SPAG16: variants seen among roughly 807,000 people sequenced by gnomAD.
The protein encoded by SPAG16 is sperm-associated antigen 16 protein.
In SPAG16, 86 loss-of-function variants were observed where a neutral mutation model predicts 80.4. The ratio of observed to expected loss-of-function variants is 1.07; its 90% CI spans 0.90 to 1.28. The LOEUF (loss-of-function observed/expected upper bound fraction) is 1.28, where lower values mean the gene tolerates loss of function less well. Among genes scored for constraint, SPAG16 ranks in the 50% most tolerant of loss-of-function variants. The pLI is 0.00. For missense variants in SPAG16, 870 were observed against 765.3 expected (o/e 1.14, Z -1.61); for synonymous variants, 294 against 265.9 (o/e 1.11, Z -1.03).
chr2:214,361,837 C>A (rs1327167374), intron 15 of SPAG16, among the ~76,000 whole-genome samples: 1 of 151,820 alleles, frequency 6.6e-6, no homozygotes, highest in Non-Finnish European at 1.5e-5. Flanking sequence ...GCACAGCATT[C>A]AAAAATTCAC....
At chr2:214,403,683 T>C (rs1701839834) in intron 15 of SPAG16, among the ~76,000 whole-genome samples, 1 of 152,130 alleles carries the variant, frequency 6.6e-6, no homozygotes, top group South Asian at 2.1e-4. Flanking sequence ...TGGCAAATAA[T>C]ATGTACTACA....
At chr2:213,307,250 A>T (rs2062977452) in intron 3 of SPAG16, among the ~76,000 whole-genome samples, 1 of 146,610 alleles carries the variant, frequency 6.8e-6, no homozygotes, top group Admixed American at 6.8e-5. Context: ...ACATGTGCAC[A>T]ATGTGCAGGT....
Position 214,016,328 on chromosome 2 carries a change from C to T in SPAG16, c.1527+2251C>T, listed in dbSNP as rs571589682. 1.7e-3 allele frequency among the ~76,000 whole-genome samples: 255 copies of T among 152,150 alleles called. 1 individual carries two copies. The highest frequency in any genetic ancestry group is 3.0e-3 in the Non-Finnish European group (206 of 68,000). ...TGGCAGCATGCAAGAGAGCATGTGC[C>T]GGGGAACTCACCTTTATAAAACCAT... On this transcript the variant is annotated intron_variant, in intron 13 of 15. Transcript: ENST00000331683.
At chr2:213,984,312 C>T (rs192147221) in intron 12 of SPAG16, among the ~76,000 whole-genome samples, 3 of 152,216 alleles carry the variant, frequency 2.0e-5, no homozygotes, top group South Asian at 2.1e-4. Flanking sequence ...AGTGTGCACA[C>T]ACACAGCCAT....
chr2:214,042,433 AAACAAC>A (rs150244128), intron 13 of SPAG16, among the ~76,000 whole-genome samples: 83,658 of 149,706 alleles, frequency 0.56, 24,147 homozygotes, highest in East Asian at 0.79. Context: ...AACAAAAACA[AAACAAC>A]AACAACAACA....
intron 13 of SPAG16, among the ~76,000 whole-genome samples, chr2:214,035,317 C>T (rs2125066681): frequency 6.6e-6 from 1 of 152,316 alleles, no homozygotes; most frequent in East Asian, 1.9e-4. Context: ...CCCTCCCCAG[C>T]TCACAGGTGG....
chr2:213,521,785 G>A (rs1017655796), intron 10 of SPAG16, among the ~76,000 whole-genome samples: 1 of 152,214 alleles, frequency 6.6e-6, no homozygotes. Flanking sequence ...TACATTTATA[G>A]TACTCCCATG....
intron 11 of SPAG16, among the ~76,000 whole-genome samples, chr2:213,922,791 G>C (rs1484967255): frequency 1.3e-5 from 2 of 151,872 alleles, no homozygotes; most frequent in Non-Finnish European, 2.9e-5. Flanking sequence ...TACACTACTG[G>C]GTCTTGGTGG....
At chr2:214,021,284 G>C (rs1049054865) in intron 13 of SPAG16, among the ~76,000 whole-genome samples, 2 of 152,166 alleles carry the variant, frequency 1.3e-5, no homozygotes, top group African/African-American at 2.4e-5. Context: ...GTATTAATCT[G>C]TTTTCACGCT....
chr2:213,864,882 A>C (rs773076432), intron 11 of SPAG16, among the ~76,000 whole-genome samples: 1 of 152,118 alleles, frequency 6.6e-6, no homozygotes, highest in African/African-American at 2.4e-5. Context: ...TAATAAATAC[A>C]ATAGACATAG....
chr2:213,486,171 C>A (rs1488398331), intron 9 of SPAG16, among the ~76,000 whole-genome samples: 3 of 152,054 alleles, frequency 2.0e-5, no homozygotes, highest in Admixed American at 2.0e-4. Flanking sequence ...GGTCTTATTT[C>A]TTCTATGAAA....
chr2:213,621,040 C>T (rs373079794), intron 10 of SPAG16, among the ~76,000 whole-genome samples: 1 of 151,814 alleles, frequency 6.6e-6, no homozygotes, highest in Non-Finnish European at 1.5e-5. Context: ...CTTTAATTTT[C>T]TAGTACTAAA....
intron 12 of SPAG16, among the ~76,000 whole-genome samples, chr2:213,981,655 T>C (rs1271580743): frequency 6.6e-6 from 1 of 152,068 alleles, no homozygotes; most frequent in East Asian, 1.9e-4. Context: ...TTCACTTAAG[T>C]AGCTTCTTAT....
intron 10 of SPAG16, among the ~76,000 whole-genome samples, chr2:213,540,597 G>A (rs2076412103): frequency 6.6e-6 from 1 of 151,914 alleles, no homozygotes; most frequent in African/African-American, 2.4e-5. Flanking sequence ...CTTTGTTAAT[G>A]ATTTTTCAAA....
intron 10 of SPAG16, among the ~76,000 whole-genome samples, chr2:213,677,922 C>G (rs1459958987): frequency 6.6e-6 from 1 of 152,040 alleles, no homozygotes; most frequent in Non-Finnish European, 1.5e-5. Context: ...AACTGTCTCT[C>G]AGACCACAGT....
rs538838363 is a variant in SPAG16 at position 213,433,837 on chromosome 2, C to T, written c.943-56126C>T. ...AAACTGGAGGTACTGCATTACCTAA[C>T]CTCACATTTTACCACAAGGCTATGG... On this transcript the variant is annotated intron_variant, in intron 9 of 15. Transcript: ENST00000331683. 9.9e-5 allele frequency among the ~76,000 whole-genome samples: 15 copies of T among 151,696 alleles called. No homozygotes were observed. The East Asian group carries it at 2.9e-3, about 29-fold the overall frequency.
intron 10 of SPAG16, among the ~76,000 whole-genome samples, chr2:213,576,069 G>C (rs2060113679): frequency 2.6e-5 from 4 of 152,238 alleles, no homozygotes. Context: ...TTACAGTTAA[G>C]TCTTTAATCC....
In SPAG16 at chr2:214,217,642, A is replaced by G. The variant is rs756756416; in HGVS notation, c.1720+68376A>G. On this transcript the variant is annotated intron_variant, in intron 15 of 15. Coordinates refer to ENST00000331683, the MANE Select transcript of SPAG16 (RefSeq NM_024532.5). Reference sequence around the variant, plus strand: ...CCACTAGGCTATACACACTTTCCACATGCTAAAAGAATAGGCCACAATTTT... The same window carrying G: ...CCACTAGGCTATACACACTTTCCACGTGCTAAAAGAATAGGCCACAATTTT... Among the ~76,000 whole-genome samples, 13 of 152,248 alleles carry G rather than the reference A, an allele frequency of 8.5e-5. 1 individual carries two copies. Among genetic ancestry groups the G allele is most frequent in the Admixed American group, 5.9e-4 (9 of 15,284 alleles).
At chr2:213,803,673 A>G (rs1225274956) in intron 10 of SPAG16, among the ~76,000 whole-genome samples, 1 of 152,192 alleles carries the variant, frequency 6.6e-6, no homozygotes, top group Non-Finnish European at 1.5e-5. Context: ...CTAGCACCAA[A>G]AGACTACTGA....
Sources: allele counts gnomAD v4.1 joint callset (sites outside exome capture counted in the v4.1 genomes callset), GRCh38; gene constraint gnomAD v4.1.1; transcripts MANE v1.5; gene names NCBI Gene and HGNC (gene_info 2026-07-23, HGNC 2026-07-21).